ZMIZ1: variants seen among roughly 807,000 people sequenced by gnomAD.
ZMIZ1 encodes the protein zinc finger MIZ-type containing 1.
A neutral mutation model predicts 113.9 loss-of-function variants in ZMIZ1; 17 were observed. The observed-to-expected ratio is 0.15, with a 90% CI of 0.10 to 0.22. The LOEUF (loss-of-function observed/expected upper bound fraction) is 0.22. ZMIZ1 is among the 10% of genes least tolerant of loss of function. The pLI is 1.00. For missense variants in ZMIZ1, 1,059 were observed against 1,477.8 expected (o/e 0.72, Z 4.65); for synonymous variants, 607 against 603.1 (o/e 1.01, Z -0.09).
rs547359162 is a variant in ZMIZ1, at chr10:79,306,588, G to A, written c.2668+244G>A. Among the ~76,000 whole-genome samples, 19 of 146,714 alleles carry A rather than the reference G, an allele frequency of 1.3e-4. No individual in the cohort carries two copies. The East Asian group carries it at 2.7e-3, about 21-fold the overall frequency. ...TGCCTCTTCCCTCCCACACCCACCCGAGTTCTTGGCCTTACCCCTTGCCCT... is the reference window on the plus strand; with the variant it reads ...TGCCTCTTCCCTCCCACACCCACCCAAGTTCTTGGCCTTACCCCTTGCCCT... On this transcript the variant is annotated intron_variant, in intron 22 of 24. Coordinates refer to ENST00000334512, the MANE Select transcript of ZMIZ1 (RefSeq NM_020338.4).
At chr10:79,197,271 C>A (rs926746925) in intron 4 of ZMIZ1, among the ~76,000 whole-genome samples, 1 of 152,228 alleles carries the variant, frequency 6.6e-6, no homozygotes, top group Non-Finnish European at 1.5e-5. Flanking sequence ...CCCATGCCCC[C>A]ACGTGGGACC....
intron 1 of ZMIZ1, among the ~76,000 whole-genome samples, chr10:79,101,824 C>T (rs973780211): frequency 1.3e-5 from 2 of 152,206 alleles, no homozygotes; most frequent in African/African-American, 2.4e-5. Flanking sequence ...TAAACACACA[C>T]ACTGAGATTC....
chr10:79,142,262 G>A (rs999204903), intron 3 of ZMIZ1, among the ~76,000 whole-genome samples: 4 of 152,218 alleles, frequency 2.6e-5, no homozygotes, highest in Non-Finnish European at 5.9e-5. Flanking sequence ...CGGGAAGGCA[G>A]AGAGAGGTCC....
intron 4 of ZMIZ1, among the ~76,000 whole-genome samples, chr10:79,189,531 G>T (rs1847508216): frequency 6.6e-6 from 1 of 152,232 alleles, no homozygotes; most frequent in South Asian, 2.1e-4. Flanking sequence ...ATTTATAGAT[G>T]AGGGACCTGA....
intron 6 of ZMIZ1, among the ~76,000 whole-genome samples, chr10:79,214,792 C>G (rs1371645178): frequency 6.6e-6 from 1 of 152,166 alleles, no homozygotes; most frequent in African/African-American, 2.4e-5. Context: ...CTAAATGACT[C>G]CATTTTCCAA....
chr10:79,100,694 C>A (rs764327553), intron 1 of ZMIZ1, among the ~76,000 whole-genome samples: 2 of 152,148 alleles, frequency 1.3e-5, no homozygotes, highest in African/African-American at 2.4e-5. Flanking sequence ...CTGCTGCGTT[C>A]CAGGAGAGAG....
chr10:79,239,424 G>A (rs947875440), intron 7 of ZMIZ1, among the ~76,000 whole-genome samples: 1 of 152,212 alleles, frequency 6.6e-6, no homozygotes, highest in African/African-American at 2.4e-5. Flanking sequence ...TCACTCTCAC[G>A]TGGACACGTG....
intron 24 of ZMIZ1, among the ~76,000 whole-genome samples, chr10:79,312,095 G>A (rs1372491422): frequency 2.0e-5 from 3 of 152,248 alleles, no homozygotes; most frequent in Non-Finnish European, 2.9e-5. Flanking sequence ...AGACTCCAAG[G>A]ATATCTCAGT....
intron 4 of ZMIZ1, among the ~76,000 whole-genome samples, chr10:79,175,142 T>C (rs1004901953): frequency 6.6e-6 from 1 of 152,182 alleles, no homozygotes; most frequent in Non-Finnish European, 1.5e-5. Flanking sequence ...GACATTGGTA[T>C]CATAGCACCC....
At chr10:79,310,849 T>A (rs576565808) in intron 23 of ZMIZ1, 75 bp from the exon 24 acceptor site, 1 of 1,498,442 alleles carries the variant, frequency 6.7e-7, no homozygotes, top group African/African-American at 1.4e-5. Context: ...TGTGTTGGGT[T>A]TCATTTTCTC....
chr10:79,206,332 G>A (rs996442463), intron 5 of ZMIZ1, among the ~76,000 whole-genome samples: 1 of 152,174 alleles, frequency 6.6e-6, no homozygotes, highest in Non-Finnish European at 1.5e-5. Context: ...ACCAGCTGGG[G>A]GCAGGCAGCT....
Position 79,312,757 on chromosome 10 carries a change from C to A in ZMIZ1, c.*8C>A. ...CTATTTGAGAACAACTGAGGGCCAC[C>A]CGGTCGGGGCCATCCCTCCACACTC... On this transcript the variant is annotated 3_prime_UTR_variant, in exon 25 of 25. Coordinates refer to ENST00000334512, the MANE Select transcript of ZMIZ1 (RefSeq NM_020338.4). 6.2e-7 allele frequency: 1 copy of A among 1,612,256 alleles called. No homozygotes were observed. The highest frequency in any genetic ancestry group is 8.5e-7 in the Non-Finnish European group (1 of 1,178,210).
At chr10:79,277,766 G>A (rs1448718755) in intron 8 of ZMIZ1, among the ~76,000 whole-genome samples, 4 of 152,202 alleles carry the variant, frequency 2.6e-5, no homozygotes, top group African/African-American at 7.2e-5. Context: ...AGAAGCCCAG[G>A]GTCACAGGCA....
rs781519303 is a variant in ZMIZ1 at position 79,296,628 on chromosome 10, C to T, written c.1388C>T (p.Thr463Met). The change falls in exon 13 of 25, where the codon ACG (threonine) becomes ATG (methionine). Residue 463 changes from threonine (T) to methionine (M), a missense_variant. Physicochemically the swap from Thr to Met is moderately conservative, Grantham distance 81 (BLOSUM62 -1). Transcript: ENST00000334512. The surrounding 1 kb of genome is among the most constrained non-coding windows in gnomAD (Gnocchi z 4.1). ...QPSSGQYPPP[T>M]VNMGQYYKPE... ...AGCTCCGGGCAGTACCCGCCCCCCA[C>T]GGTCAACATGGGGCAGTATTACAAG... The T allele has an allele frequency of 1.4e-5, 22 of 1,586,316 alleles. No homozygotes were observed. Among genetic ancestry groups the T allele is most frequent in the South Asian group, 6.9e-5 (6 of 86,814 alleles).
chr10:79,274,408 C>T (rs1411014639), intron 7 of ZMIZ1, among the ~76,000 whole-genome samples: 1 of 152,222 alleles, frequency 6.6e-6, no homozygotes, highest in Non-Finnish European at 1.5e-5. Context: ...CAGACACCCG[C>T]CCAGCTGGTG....
intron 7 of ZMIZ1, among the ~76,000 whole-genome samples, chr10:79,218,097 CAG>C (rs1162488257): frequency 1.3e-5 from 2 of 152,208 alleles, no homozygotes; most frequent in East Asian, 1.9e-4. Context: ...AAGGGCCAGA[CAG>C]GGGCTTTTGG....
At chr10:79,221,855 G>A (rs2132736585) in intron 7 of ZMIZ1, among the ~76,000 whole-genome samples, 1 of 152,390 alleles carries the variant, frequency 6.6e-6, no homozygotes, top group Middle Eastern at 3.4e-3. Flanking sequence ...CCAGAGTCCA[G>A]AAGAGAGCCC....
chr10:79,111,423 C>T lies in ZMIZ1; in HGVS notation c.-336-7492C>T, dbSNP rs16936859. On this transcript the variant is annotated intron_variant, in intron 1 of 24. Transcript: ENST00000334512. ...GTGGGCAAAAGTTTGGAATCATTCC[C>T]GGGGAAAGGTGTACCCTCTCCCATA... Among the ~76,000 whole-genome samples, 472 of 152,268 alleles carry T rather than the reference C, an allele frequency of 3.1e-3. 11 individuals carry two copies. The highest frequency in any genetic ancestry group is 0.029 in the East Asian group (148 of 5,180).
rs542755485 is a variant in ZMIZ1, at chr10:79,216,041, T to C, written c.175-128T>C. ...AGCAACTGAAGAAGGCACAGTGGAC[T>C]TCTGGCTCTGCCTAATGATGGGGCA... is the stretch of plus-strand genomic sequence containing the variant. On this transcript the variant is annotated intron_variant, in intron 6 of 24. Transcript: ENST00000334512. 617 of 523,590 alleles carry C rather than the reference T, an allele frequency of 1.2e-3. 2 individuals carry two copies. Among genetic ancestry groups the C allele is most frequent in the Admixed American group, 1.7e-3 (42 of 24,018 alleles). 32.4% of individuals were successfully genotyped at this position (523,590 alleles called of 1,614,324 possible).
Sources: allele counts gnomAD v4.1 joint callset (sites outside exome capture counted in the v4.1 genomes callset), GRCh38; gene constraint gnomAD v4.1.1; non-coding constraint Gnocchi (gnomAD v3.1); transcripts MANE v1.5; gene names NCBI Gene and HGNC (gene_info 2026-07-23, HGNC 2026-07-21).